The following RANBP17 variants were observed in gnomAD, a reference collection of about 807,000 sequenced individuals.
RANBP17 encodes RAN binding protein 17.
RANBP17 carries 158 observed loss-of-function variants against 141.2 expected under a neutral mutation model. The observed-to-expected ratio is 1.12, with a 90% CI of 0.98 to 1.28. RANBP17 has a LOEUF of 1.28. Among genes scored for constraint, RANBP17 ranks in the 50% most tolerant of loss-of-function variants. The pLI, the probability that RANBP17 is intolerant of heterozygous loss-of-function variation, is 0.00. For synonymous variants in RANBP17, 430 were observed against 450.0 expected, an observed-to-expected ratio of 0.96 and a Z score of 0.56; for missense variants, 1,438 against 1,290.7, an observed-to-expected ratio of 1.11 and a Z score of -1.75.
intron 14 of RANBP17, among the ~76,000 whole-genome samples, chr5:171,154,632 T>C (rs560547257): frequency 1.3e-5 from 2 of 152,234 alleles, no homozygotes; most frequent in Non-Finnish European, 2.9e-5. Context: ...GTGTTTACTT[T>C]GGATTTACTA....
intron 14 of RANBP17, among the ~76,000 whole-genome samples, chr5:170,973,489 ACAC>A (rs1777137133): frequency 6.6e-6 from 1 of 152,202 alleles, no homozygotes; most frequent in South Asian, 2.1e-4. Context: ...GAATCAGAAA[ACAC>A]AATAGACAAA....
intron 7 of RANBP17, among the ~76,000 whole-genome samples, chr5:170,913,264 G>A (rs903710133): frequency 6.6e-6 from 1 of 152,028 alleles, no homozygotes; most frequent in Non-Finnish European, 1.5e-5. Flanking sequence ...CAAGATGACA[G>A]TGAAAGACAT....
intron 14 of RANBP17, among the ~76,000 whole-genome samples, chr5:171,109,891 C>T (rs547817583): frequency 9.2e-5 from 14 of 152,154 alleles, no homozygotes; most frequent in Non-Finnish European, 1.8e-4. Flanking sequence ...TAGGTATTAA[C>T]ATGATGATAG....
chr5:171,274,240 C>T (rs1767357001), intron 25 of RANBP17, among the ~76,000 whole-genome samples: 1 of 151,534 alleles, frequency 6.6e-6, no homozygotes, highest in African/African-American at 2.4e-5. Context: ...AGGTAACAAC[C>T]AGGTAATAAA....
intron 14 of RANBP17, among the ~76,000 whole-genome samples, chr5:171,015,826 G>T (rs1780388618): frequency 6.6e-6 from 1 of 152,094 alleles, no homozygotes; most frequent in African/African-American, 2.4e-5. Flanking sequence ...AGTACTTGAT[G>T]CACCATGAAT....
In RANBP17 at chr5:171,089,581, T is replaced by G. The variant is rs1267732308; in HGVS notation, c.1711-80549T>G. Among the ~76,000 whole-genome samples, 4 of 145,712 alleles carry G rather than the reference T, an allele frequency of 2.7e-5. No individual in the cohort carries two copies. In the East Asian group the frequency reaches 8.2e-4, roughly 30 times the overall value. ...GCCTCGCTGCTGCCTTGCAGTTTGA[T>G]CTCAGACTGCTGTGCTAGCAATCAG... On this transcript the variant is annotated intron_variant, in intron 14 of 27. Transcript: ENST00000523189.
chr5:171,251,775 C>T lies in RANBP17; in HGVS notation c.2776+8955C>T, dbSNP rs191239124. ...CGTTCCCCTCCTCCCGCGCCCGCCC[C>T]CGCCTCTGTGATTGGGTGGAAGATG... On this transcript the variant is annotated intron_variant, in intron 24 of 27. Coordinates refer to ENST00000523189, the MANE Select transcript of RANBP17 (RefSeq NM_022897.5). 8.9e-3 allele frequency: 9,498 copies of T among 1,071,910 alleles called. 68 individuals carry two copies. The highest frequency in any genetic ancestry group is 0.011 in the Non-Finnish European group (7,825 of 695,254). The allele number at this position is 1,071,910 out of a possible 1,614,324, so 66.4% of individuals were successfully genotyped here.
At chr5:171,007,445 G>A (rs772978084) in intron 14 of RANBP17, among the ~76,000 whole-genome samples, 2 of 152,036 alleles carry the variant, frequency 1.3e-5, no homozygotes, top group African/African-American at 2.4e-5. Context: ...GGCAGGGAGC[G>A]ACTTGAGGAG....
intron 24 of RANBP17, among the ~76,000 whole-genome samples, chr5:171,245,042 T>A (rs965096686): frequency 1.2e-4 from 18 of 151,714 alleles, no homozygotes; most frequent in African/African-American, 4.4e-4. Flanking sequence ...AGCAGGAGAA[T>A]GGCGTGCACC....
chr5:170,918,932 G>A, intron 10 of RANBP17, 73 bp downstream of exon 10: 1 of 919,954 alleles, frequency 1.1e-6, no homozygotes, highest in Non-Finnish European at 1.5e-6. Flanking sequence ...GTTGGTGGGG[G>A]TATTTGAAAA....
chr5:170,918,912 CTTGGTAAGGG>C, intron 10 of RANBP17, 53 bp downstream of exon 10: 1 of 1,222,192 alleles, frequency 8.2e-7, no homozygotes, highest in Non-Finnish European at 1.1e-6. Context: ...AAAACAGCTT[CTTGGTAAGGG>C]TTGGTGGGGG....
chr5:170,894,185 G>GT, intron 4 of RANBP17, among the ~76,000 whole-genome samples: 3 of 152,258 alleles, frequency 2.0e-5, no homozygotes, highest in Admixed American at 2.0e-4. Context: ...AGTTGCATTT[G>GT]TAAGTTTGGC....
intron 22 of RANBP17, among the ~76,000 whole-genome samples, chr5:171,222,790 G>A (rs1257000582): frequency 6.6e-6 from 1 of 151,936 alleles, no homozygotes. Context: ...CACCACGCCT[G>A]GCTAATTGTT....
chr5:171,053,810 G>C (rs1244755134), intron 14 of RANBP17, among the ~76,000 whole-genome samples: 1 of 145,698 alleles, frequency 6.9e-6, no homozygotes, highest in African/African-American at 2.5e-5. Flanking sequence ...TTGGGGGAAA[G>C]CTTTCAGTCT....
chr5:170,995,187 A>G (rs562545201), intron 14 of RANBP17, among the ~76,000 whole-genome samples: 5 of 152,202 alleles, frequency 3.3e-5, no homozygotes, highest in African/African-American at 1.2e-4. Context: ...CAGTTGAAAC[A>G]TTTCCGAGAC....
chr5:170,975,949 T>A (rs1395510534), intron 14 of RANBP17, among the ~76,000 whole-genome samples: 1 of 151,902 alleles, frequency 6.6e-6, no homozygotes, highest in Non-Finnish European at 1.5e-5. Flanking sequence ...TCTCTTCTAT[T>A]AAATATTGTA....
At chr5:171,222,777 C>T (rs1418224660) in intron 22 of RANBP17, among the ~76,000 whole-genome samples, 2 of 151,934 alleles carry the variant, frequency 1.3e-5, no homozygotes, top group Non-Finnish European at 2.9e-5. Flanking sequence ...GTTATAGGCA[C>T]GCCACCACGC....
chr5:171,066,119 C>T (rs1170762723), intron 14 of RANBP17, among the ~76,000 whole-genome samples: 1 of 152,026 alleles, frequency 6.6e-6, no homozygotes, highest in African/African-American at 2.4e-5. Flanking sequence ...ACCTCGGCCT[C>T]CCAAGGTGCT....
chr5:170,939,270 C>T (rs1228921007), intron 12 of RANBP17, among the ~76,000 whole-genome samples: 8 of 151,930 alleles, frequency 5.3e-5, no homozygotes. Context: ...TTTTATTAAA[C>T]ATTTTAAAGG....
Sources: allele counts gnomAD v4.1 joint callset (sites outside exome capture counted in the v4.1 genomes callset), GRCh38; gene constraint gnomAD v4.1.1; transcripts MANE v1.5; gene names NCBI Gene and HGNC (gene_info 2026-07-23, HGNC 2026-07-21).